Variants in RTF1 observed in about 807,000 individuals in gnomAD.
RTF1 encodes the protein RTF1 homolog, Paf1/RNA polymerase II complex component.
A neutral mutation model predicts 95.7 loss-of-function variants in RTF1; 10 were observed. That is an observed-to-expected ratio of 0.10 (90% CI 0.06 to 0.18). The LOEUF (loss-of-function observed/expected upper bound fraction) is 0.18. Ranked by LOEUF, RTF1 falls within the 10% of genes least tolerant of loss-of-function variation. The pLI is 1.00. For synonymous variants in RTF1, 305 were observed against 311.8 expected, an observed-to-expected ratio of 0.98 and a Z score of 0.23; for missense variants, 458 against 875.6, an observed-to-expected ratio of 0.52 and a Z score of 6.02.
At position 41,417,141 on chromosome 15, in the gene RTF1, GAGC is replaced by G. The variant is rs1414434269; in HGVS notation, c.30_32del (p.Ala16del). On this transcript the variant is annotated inframe_deletion, in exon 1 of 18. Coordinates refer to ENST00000389629, the MANE Select transcript of RTF1 (RefSeq NM_015138.5). ...ATGCGCGGTCGCCTTTGTGTGGGTCGAGCAGCGGCGGCGGCGGCGGCAGTGGCG... is the reference window on the plus strand; with the variant it reads ...ATGCGCGGTCGCCTTTGTGTGGGTCGAGCGGCGGCGGCGGCGGCAGTGGCG... The G allele has an allele frequency of 7.2e-6, 9 of 1,256,984 alleles. No homozygotes were observed. Among genetic ancestry groups the G allele is most frequent in the East Asian group, 3.1e-5 (1 of 32,002 alleles). 77.9% of individuals were successfully genotyped at this position (1,256,984 alleles called of 1,614,324 possible). A position where few individuals can be genotyped will look rare whatever the true frequency, so the allele number is the denominator to read the frequency against.
chr15:41,438,571 G>A (rs1287905979), intron 2 of RTF1, 140 bp downstream of exon 2: 4 of 551,654 alleles, frequency 7.3e-6, no homozygotes, highest in Non-Finnish European at 9.5e-6. Flanking sequence ...AGAAAATGGT[G>A]TAAGGAAGGC....
intron 6 of RTF1, among the ~76,000 whole-genome samples, chr15:41,468,920 T>C (rs1472761656): frequency 6.6e-6 from 1 of 152,222 alleles, no homozygotes; most frequent in Admixed American, 6.5e-5. Flanking sequence ...TAACGTGCTT[T>C]ATGTGTTTTA....
intron 1 of RTF1, among the ~76,000 whole-genome samples, chr15:41,429,561 C>A (rs949101560): frequency 1.3e-5 from 2 of 152,058 alleles, no homozygotes; most frequent in African/African-American, 4.8e-5. Context: ...ATGCTCCTCA[C>A]CCTGTTTTAT....
intron 4 of RTF1, among the ~76,000 whole-genome samples, chr15:41,463,847 G>C (rs541724837): frequency 6.6e-6 from 1 of 151,876 alleles, no homozygotes; most frequent in African/African-American, 2.4e-5. Flanking sequence ...GTTTTTTGTT[G>C]TTGTTTGTTT....
intron 9 of RTF1, 93 bp downstream of exon 9, chr15:41,474,795 C>T: frequency 1.1e-6 from 1 of 908,516 alleles, no homozygotes; most frequent in Non-Finnish European, 1.9e-6. Context: ...TTCCTTGTTA[C>T]CATGAACGCT....
At position 41,471,376 on chromosome 15, in the gene RTF1, G is replaced by T. The variant is rs536980102; in HGVS notation, c.1203+27G>T. On this transcript the variant is annotated intron_variant, in intron 8 of 17. Transcript: ENST00000389629. ...TTGGTATTTCTTCCCTTGGACAATT[G>T]TCCATGCTTTCAGTATAATTAGTCT... is the stretch of plus-strand genomic sequence containing the variant. 3.8e-6 allele frequency: 6 copies of T among 1,590,482 alleles called. No individual in the cohort carries two copies. In the Admixed American group the frequency reaches 1.1e-4, roughly 28 times the overall value.
At chr15:41,449,294 G>C (rs562336619) in intron 2 of RTF1, among the ~76,000 whole-genome samples, 2 of 142,322 alleles carry the variant, frequency 1.4e-5, no homozygotes, top group Non-Finnish European at 3.0e-5. Context: ...GCAGTGGTAC[G>C]AACTCGGCTC....
rs1183182639 is a variant in RTF1, at chr15:41,478,607, G to A, written c.1800G>A (p.Lys600=). 5 of 1,613,898 alleles carry A rather than the reference G, an allele frequency of 3.1e-6. No homozygotes were observed. Among genetic ancestry groups the A allele is most frequent in the Non-Finnish European group, 8.5e-7 (1 of 1,179,928 alleles). The change falls in exon 15 of 18, where the codon AAG becomes AAA. Residue 600 remains lysine, a synonymous_variant. Transcript: ENST00000389629. ...ATCCCTTTACTCGGCGGCAGTGCAAGCCTACCATCGTTTCTAATGTGAGTG... is the reference window on the plus strand; with the variant it reads ...ATCCCTTTACTCGGCGGCAGTGCAAACCTACCATCGTTTCTAATGTGAGTG... The part of the protein sequence containing the change: ...QMDPFTRRQC[K]PTIVSNSRDP...
intron 1 of RTF1, among the ~76,000 whole-genome samples, chr15:41,432,433 G>A (rs549088995): frequency 1.7e-4 from 25 of 151,444 alleles, no homozygotes; most frequent in African/African-American, 5.6e-4. Flanking sequence ...TCCTGACCTC[G>A]TGATCCACCC....
In RTF1 at chr15:41,457,669, C is replaced by T. The variant is rs1243221503; in HGVS notation, c.458-3C>T. ...TAATCTTGTGTTTGGGCCTTTGTTG[C>T]AGGTGAAGTGTCAGACTCTGACAGC... On this transcript the variant is annotated splice_region_variant and splice_polypyrimidine_tract_variant and intron_variant, in intron 3 of 17. Transcript: ENST00000389629. The T allele has an allele frequency of 6.2e-7, 1 of 1,613,900 alleles. No individual in the cohort carries two copies. The highest frequency in any genetic ancestry group is 2.2e-5 in the East Asian group (1 of 44,880).
chr15:41,448,228 C>A (rs2050772775), intron 2 of RTF1, among the ~76,000 whole-genome samples: 2 of 152,040 alleles, frequency 1.3e-5, no homozygotes, highest in African/African-American at 2.4e-5. Flanking sequence ...GAAAAAAAAT[C>A]TTTGGGAGAT....
At chr15:41,479,949 T>C (rs2050962438) in intron 16 of RTF1, among the ~76,000 whole-genome samples, 1 of 152,048 alleles carries the variant, frequency 6.6e-6, no homozygotes, top group African/African-American at 2.4e-5. Context: ...TCTGAAATCT[T>C]AGGTCAGGAA....
At chr15:41,429,634 C>A (rs2050658571) in intron 1 of RTF1, among the ~76,000 whole-genome samples, 1 of 152,108 alleles carries the variant, frequency 6.6e-6, no homozygotes, top group South Asian at 2.1e-4. Context: ...CTCCTGCTTG[C>A]CTGCTAAACT....
At chr15:41,457,254 A>G (rs1469195648) in intron 3 of RTF1, among the ~76,000 whole-genome samples, 20 of 151,842 alleles carry the variant, frequency 1.3e-4, no homozygotes, top group Admixed American at 1.3e-3. Flanking sequence ...AAGTAAAAAT[A>G]AATAGGCGCA....
chr15:41,470,454 G>A, intron 7 of RTF1, 62 bp downstream of exon 7: 1 of 1,567,548 alleles, frequency 6.4e-7, no homozygotes. Flanking sequence ...GAAGAGCTTG[G>A]TATCGTTTCC....
chr15:41,437,017 G>A (rs903051981), intron 1 of RTF1, among the ~76,000 whole-genome samples: 2 of 151,910 alleles, frequency 1.3e-5, no homozygotes, highest in African/African-American at 4.8e-5. Flanking sequence ...AACCCGGGAG[G>A]CGGAGGTTGC....
At chr15:41,432,349 C>G (rs1213227721) in intron 1 of RTF1, among the ~76,000 whole-genome samples, 1 of 151,698 alleles carries the variant, frequency 6.6e-6, no homozygotes, top group Non-Finnish European at 1.5e-5. Flanking sequence ...AGGCGCTCGC[C>G]ACCACGCCTG....
At position 41,451,408 on chromosome 15, in the gene RTF1, G is replaced by A. The variant is rs143858454; in HGVS notation, c.310-1493G>A. Reference sequence around the variant, plus strand: ...AAATAGTCTGCAAATTTGTAAAGTGGTTGTATGGCCTTTCAACTTATAATT... The same window carrying A: ...AAATAGTCTGCAAATTTGTAAAGTGATTGTATGGCCTTTCAACTTATAATT... On this transcript the variant is annotated intron_variant, in intron 2 of 17. Coordinates refer to ENST00000389629, the MANE Select transcript of RTF1 (RefSeq NM_015138.5). 7.5e-3 allele frequency among the ~76,000 whole-genome samples: 1,147 copies of A among 152,226 alleles called. 19 individuals are homozygous for A. Among genetic ancestry groups the A allele is most frequent in the African/African-American group, 0.026 (1,082 of 41,536 alleles).
At chr15:41,469,786 A>C (rs1276295071) in intron 6 of RTF1, among the ~76,000 whole-genome samples, 1 of 152,062 alleles carries the variant, frequency 6.6e-6, no homozygotes, top group East Asian at 1.9e-4. Context: ...CTGCCTCCCA[A>C]AGTGCTGAGA....
Sources: allele counts gnomAD v4.1 joint callset (sites outside exome capture counted in the v4.1 genomes callset), GRCh38; gene constraint gnomAD v4.1.1; transcripts MANE v1.5; gene names NCBI Gene and HGNC (gene_info 2026-07-23, HGNC 2026-07-21).